ATP1A3: variants seen among roughly 807,000 people sequenced by gnomAD.
ATP1A3 encodes sodium/potassium-transporting ATPase subunit alpha-3.
In ATP1A3, 12 loss-of-function variants were observed where a neutral mutation model predicts 108.8. The observed-to-expected ratio is 0.11, with a 90% CI of 0.07 to 0.18. ATP1A3 has a LOEUF of 0.18. Ranked by LOEUF, ATP1A3 falls within the 10% of genes least tolerant of loss-of-function variation. The pLI is 1.00. For missense variants in ATP1A3, 498 were observed against 1,387.7 expected (o/e 0.36, Z 10.19); for synonymous variants, 539 against 564.5 (o/e 0.95, Z 0.64).
At position 41,988,396 on chromosome 19, in the gene ATP1A3, G is replaced by T. The variant is rs782572337; in HGVS notation, c.94-19C>A. 2 of 1,614,180 alleles carry T rather than the reference G, an allele frequency of 1.2e-6. No homozygotes were observed. The highest frequency in any genetic ancestry group is 1.1e-5 in the South Asian group (1 of 91,082). ...GCTCTGTCTGAGGAACAGGAGTTTG[G>T]GGGAGACGGTGAGTGCCTAGGCCAG... On this transcript the variant is annotated intron_variant, in intron 2 of 22. Transcript: ENST00000648268. This position sits in a 1 kb window ranked among gnomAD's most constrained non-coding sequence, Gnocchi z 5.3.
chr19:41,978,562 C>G lies in ATP1A3; in HGVS notation c.1630+44G>C, dbSNP rs1555862254. On this transcript the variant is annotated intron_variant, in intron 12 of 22. Transcript: ENST00000648268. This position sits in a 1 kb window ranked among gnomAD's most constrained non-coding sequence, Gnocchi z 8.3. ...AGGCTTTGGGCAGCATCACAACCCT[C>G]CTTGCCCTCCAGGGACCCCAGAGCC... The G allele has an allele frequency of 6.8e-6, 11 of 1,607,996 alleles. No homozygotes were observed. The highest frequency in any genetic ancestry group is 9.3e-6 in the Non-Finnish European group (11 of 1,179,418).
chr19:41,993,993 C>G, intron 1 of ATP1A3, 78 bp downstream of exon 1: 1 of 1,590,010 alleles, frequency 6.3e-7, no homozygotes, highest in African/African-American at 1.4e-5. Flanking sequence ...TCCCGGTGCC[C>G]CCGCCCCCCG....
In ATP1A3 at chr19:41,992,392, TGG is replaced by T. The variant is rs1555867783; in HGVS notation, c.6+1677_6+1678del. Among the ~76,000 whole-genome samples, 466 of 152,270 alleles carry T rather than the reference TGG, an allele frequency of 3.1e-3. 3 individuals are homozygous for T. Among genetic ancestry groups the T allele is most frequent in the African/African-American group, 0.011 (444 of 41,546 alleles). On this transcript the variant is annotated intron_variant, in intron 1 of 22. Transcript: ENST00000648268. Reference sequence around the variant, plus strand: ...GGTGGGGACCATGCCTGTCTCGCTGTGGCCGCCTCTGCAGCTCCTTGCCATTT... The same window carrying T: ...GGTGGGGACCATGCCTGTCTCGCTGTCCGCCTCTGCAGCTCCTTGCCATTT...
Position 41,967,439 on chromosome 19 carries a change from C to T in ATP1A3, c.2922-99G>A, listed in dbSNP as rs1022868795. ...ACGCAGAGGGGCAGTCTCCCAGGAT[C>T]CTTCGTGCTCACAGGTGGAGGGTGC... is the stretch of plus-strand genomic sequence containing the variant. On this transcript the variant is annotated intron_variant, in intron 21 of 22. Transcript: ENST00000648268. The surrounding 1 kb of genome is among the most constrained non-coding windows in gnomAD (Gnocchi z 4.2). 1.4e-5 allele frequency: 20 copies of T among 1,396,748 alleles called. No individual in the cohort carries two copies. The highest frequency in any genetic ancestry group is 3.9e-5 in the Admixed American group (2 of 50,878). 86.5% of individuals were successfully genotyped at this position (1,396,748 alleles called of 1,614,324 possible).
At position 41,986,588 on chromosome 19, in the gene ATP1A3, C is replaced by T. The variant is rs560962499; in HGVS notation, c.358-359G>A. Reference sequence around the variant, plus strand: ...TCCTGAGTAGCTGGGACTACAGGTGCATGCCACCACACCTGGCTAATTTTG... The same window carrying T: ...TCCTGAGTAGCTGGGACTACAGGTGTATGCCACCACACCTGGCTAATTTTG... On this transcript the variant is annotated intron_variant, in intron 4 of 22. Coordinates refer to ENST00000648268, the MANE Select transcript of ATP1A3 (RefSeq NM_152296.5). 4.2e-3 allele frequency: 1,295 copies of T among 307,926 alleles called. 33 individuals carry two copies. The highest frequency in any genetic ancestry group is 0.037 in the South Asian group (1,261 of 33,934). The allele number at this position is 307,926 out of a possible 1,614,324, so 19.1% of individuals were successfully genotyped here.
At position 41,967,237 on chromosome 19, in the gene ATP1A3, G is replaced by A. The variant is rs782424595; in HGVS notation, c.3013+12C>T. On this transcript the variant is annotated intron_variant, in intron 22 of 22. Coordinates refer to ENST00000648268, the MANE Select transcript of ATP1A3 (RefSeq NM_152296.5). The surrounding 1 kb of genome is among the most constrained non-coding windows in gnomAD (Gnocchi z 4.2). ...CCCCGCCCCCCTCGGCTGCCTTGCC[G>A]AGCTCCCTCACCCCCTGGGTTCCTG... is the stretch of plus-strand genomic sequence containing the variant. 1.5e-5 allele frequency: 25 copies of A among 1,613,878 alleles called. No homozygotes were observed. Among genetic ancestry groups the A allele is most frequent in the Admixed American group, 3.3e-5 (2 of 59,992 alleles).
intron 1 of ATP1A3, among the ~76,000 whole-genome samples, chr19:41,992,541 C>A (rs1218449330): frequency 6.6e-6 from 1 of 152,082 alleles, no homozygotes; most frequent in Non-Finnish European, 1.5e-5. Flanking sequence ...CCCTTGACCT[C>A]CCCCTTTGCC....
At position 41,986,359 on chromosome 19, in the gene ATP1A3, T is replaced by G. The variant is rs2075286569; in HGVS notation, c.358-130A>C. On this transcript the variant is annotated intron_variant, in intron 4 of 22. Coordinates refer to ENST00000648268, the MANE Select transcript of ATP1A3 (RefSeq NM_152296.5). The stretch of plus-strand genomic sequence containing the variant: ...TGTATTTGTGTGTCTGACCCTAGGT[T>G]GGTTATGAGGGTTGGTGTGTCTGAG... The G allele has an allele frequency of 6.0e-6, 5 of 837,962 alleles. No individual in the cohort carries two copies. The South Asian group carries it at 6.3e-5, about 10-fold the overall frequency. The allele number at this position is 837,962 out of a possible 1,614,324, so 51.9% of individuals were successfully genotyped here. A position where few individuals can be genotyped will look rare whatever the true frequency, so the allele number is the denominator to read the frequency against.
intron 11 of ATP1A3, among the ~76,000 whole-genome samples, chr19:41,979,840 A>G (rs571361715): frequency 9.2e-5 from 14 of 152,354 alleles, no homozygotes; most frequent in South Asian, 2.1e-4. Context: ...GGGACGAGCT[A>G]TGGTATGTTA....
chr19:41,972,120 G>GCAT, intron 16 of ATP1A3, among the ~76,000 whole-genome samples: 1 of 151,776 alleles, frequency 6.6e-6, no homozygotes, highest in African/African-American at 2.4e-5. Flanking sequence ...CGTGGTGGTG[G>GCAT]GCACCTGTAA....
intron 16 of ATP1A3, among the ~76,000 whole-genome samples, chr19:41,970,892 G>A (rs752966268): frequency 5.9e-5 from 9 of 151,810 alleles, no homozygotes; most frequent in Non-Finnish European, 8.8e-5. Flanking sequence ...TCGGCCTCCT[G>A]AAGTGCTGGG....
intron 11 of ATP1A3, among the ~76,000 whole-genome samples, chr19:41,980,229 C>G (rs1056656964): frequency 2.0e-5 from 3 of 152,260 alleles, no homozygotes; most frequent in Non-Finnish European, 4.4e-5. Context: ...GCGTAAGTCT[C>G]AGAGAGGGGT....
rs782342530 is a variant in ATP1A3, at chr19:41,994,072, C to G, written c.5G>C (p.Gly2Ala). The change falls in exon 1 of 23, where the codon GGG (glycine) becomes GCG (alanine). Residue 2 changes from glycine to alanine, a missense_variant and splice_region_variant. Around this residue, in one of 9 missense-constraint regions of ATP1A3, gnomAD observed 41 missense variants for 59.7 expected, o/e 0.69. Coordinates refer to ENST00000648268, the MANE Select transcript of ATP1A3 (RefSeq NM_152296.5). ...GCGCCCAGCCGGCTCAGCACCTACC[C>G]CCATCTTGGCGGCTCCGCGGCGAGA... M[G>A]DKKDDKDSPK... 1 of 1,602,478 alleles carries G rather than the reference C, an allele frequency of 6.2e-7. No individual in the cohort carries two copies. The highest frequency in any genetic ancestry group is 8.5e-7 in the Non-Finnish European group (1 of 1,176,092).
At position 41,978,432 on chromosome 19, in the gene ATP1A3, C is replaced by A. The variant is rs1599715662; in HGVS notation, c.1631-106G>T. The stretch of plus-strand genomic sequence containing the variant: ...GCATTCCATCTCCCCATCAGCAAGA[C>A]GGCCAGTCAGCATTCATTTCCTAGG... On this transcript the variant is annotated intron_variant, in intron 12 of 22. Coordinates refer to ENST00000648268, the MANE Select transcript of ATP1A3 (RefSeq NM_152296.5). The surrounding 1 kb of genome is among the most constrained non-coding windows in gnomAD (Gnocchi z 8.3). 2.7e-6 allele frequency: 4 copies of A among 1,480,382 alleles called. No homozygotes were observed. The East Asian group carries it at 7.3e-5, about 27-fold the overall frequency. 91.7% of individuals were successfully genotyped at this position (1,480,382 alleles called of 1,614,324 possible). A position where few individuals can be genotyped will look rare whatever the true frequency, so the allele number is the denominator to read the frequency against.
rs2075059472 is a variant in ATP1A3, at chr19:41,967,748, G to T, written c.2835C>A (p.Ile945=). The T allele has an allele frequency of 1.9e-6, 3 of 1,614,006 alleles. No individual in the cohort carries two copies. The highest frequency in any genetic ancestry group is 1.7e-6 in the Non-Finnish European group (2 of 1,179,954). ...GGGCCGTCTCCTCAAACAGCCCGAAGATCAGGATCTTGTTCCTGGAGGCAC... is the reference window on the plus strand; with the variant it reads ...GGGCCGTCTCCTCAAACAGCCCGAATATCAGGATCTTGTTCCTGGAGGCAC... The part of the protein sequence containing the change: ...FQQGMKNKIL[I]FGLFEETALA... The change falls in exon 21 of 23, where the codon ATC becomes ATA. Residue 945 remains isoleucine (I), a synonymous_variant. Transcript: ENST00000648268. The surrounding 1 kb of genome is among the most constrained non-coding windows in gnomAD (Gnocchi z 4.2).
rs2075150141 is a variant in ATP1A3 at position 41,974,964 on chromosome 19, C to T, written c.2263+665G>A. Among the ~76,000 whole-genome samples the T allele has an allele frequency of 2.0e-5, 3 of 152,232 alleles. No individual in the cohort carries two copies. The South Asian group carries it at 6.2e-4, about 32-fold the overall frequency. ...CCTGACTTGGCTCAGCCATCCCTGTCCACTCTGGGAAGCTCCCTTGACCCC... is the reference window on the plus strand; with the variant it reads ...CCTGACTTGGCTCAGCCATCCCTGTTCACTCTGGGAAGCTCCCTTGACCCC... On this transcript the variant is annotated intron_variant, in intron 16 of 22. Transcript: ENST00000648268.
chr19:41,971,672 G>C (rs1313761229), intron 16 of ATP1A3, among the ~76,000 whole-genome samples: 4 of 152,152 alleles, frequency 2.6e-5, no homozygotes, highest in African/African-American at 9.7e-5. Context: ...ACTCCAACTG[G>C]AGCAGGCTCA....
In ATP1A3 at chr19:41,985,023, G is replaced by A; in HGVS notation, c.888C>T (p.Phe296=). Reference sequence around the variant, plus strand: ...ATCCGAGAATGAGGGAGAGGATGAAGAAGGAGACACCCAGGAAGACAGCCA... The same window carrying A: ...ATCCGAGAATGAGGGAGAGGATGAAAAAGGAGACACCCAGGAAGACAGCCA... ...TGVAVFLGVS[F]FILSLILGYT... Residue 296 remains phenylalanine, a synonymous_variant, in exon 8 of 23, where the codon TTC becomes TTT. Coordinates refer to ENST00000648268, the MANE Select transcript of ATP1A3 (RefSeq NM_152296.5). The surrounding 1 kb of genome is among the most constrained non-coding windows in gnomAD (Gnocchi z 8.2). 6.2e-7 allele frequency: 1 copy of A among 1,614,118 alleles called. No individual in the cohort carries two copies. Among genetic ancestry groups the A allele is most frequent in the Non-Finnish European group, 8.5e-7 (1 of 1,179,982 alleles).
In ATP1A3 at chr19:41,978,909, G is replaced by A; in HGVS notation, c.1438-111C>T. The A allele has an allele frequency of 8.9e-6, 9 of 1,010,960 alleles. No individual in the cohort carries two copies. The East Asian group carries it at 2.3e-4, about 25-fold the overall frequency. 62.6% of individuals were successfully genotyped at this position (1,010,960 alleles called of 1,614,324 possible). A position where few individuals can be genotyped will look rare whatever the true frequency, so the allele number is the denominator to read the frequency against. On this transcript the variant is annotated intron_variant, in intron 11 of 22. Transcript: ENST00000648268. This position sits in a 1 kb window ranked among gnomAD's most constrained non-coding sequence, Gnocchi z 8.3. ...CGGGTGCCAGGATAGGCCCACACCAGGGCTCCCCCACACTCTCTCACAGAG... is the reference window on the plus strand; with the variant it reads ...CGGGTGCCAGGATAGGCCCACACCAAGGCTCCCCCACACTCTCTCACAGAG...
Sources: allele counts gnomAD v4.1 joint callset (sites outside exome capture counted in the v4.1 genomes callset), GRCh38; gene constraint gnomAD v4.1.1; regional missense constraint gnomAD v4.1.1; non-coding constraint Gnocchi (gnomAD v3.1); transcripts MANE v1.5; gene names NCBI Gene and HGNC (gene_info 2026-07-23, HGNC 2026-07-21).